The following MARCHF1 variants were observed in gnomAD, a reference collection of about 807,000 sequenced individuals.
MARCHF1 encodes the protein membrane associated ring-CH-type finger 1, also known as E3 ubiquitin-protein ligase MARCHF1.
A neutral mutation model predicts 54.2 loss-of-function variants in MARCHF1; 40 were observed. The ratio of observed to expected loss-of-function variants is 0.74; its 90% CI spans 0.57 to 0.96. MARCHF1 has a LOEUF of 0.96. Among genes scored for constraint, MARCHF1 ranks in the 40% least tolerant of loss-of-function variants. The pLI, the probability that MARCHF1 is intolerant of heterozygous loss-of-function variation, is 0.00. For missense variants in MARCHF1, 586 were observed against 656.5 expected (o/e 0.89, Z 1.17); for synonymous variants, 236 against 236.3 (o/e 1.00, Z 0.01).
chr4:163,849,408 G>A (rs996479392), intron 4 of MARCHF1, among the ~76,000 whole-genome samples: 2 of 152,102 alleles, frequency 1.3e-5, no homozygotes, highest in Non-Finnish European at 2.9e-5. Flanking sequence ...GTACTGGAAA[G>A]CCTCAACTGA....
intron 4 of MARCHF1, among the ~76,000 whole-genome samples, chr4:163,837,810 A>G (rs1749232148): frequency 6.6e-6 from 1 of 152,146 alleles, no homozygotes; most frequent in East Asian, 1.9e-4. Flanking sequence ...AATTTTAGCT[A>G]ATTGACTTCT....
chr4:163,673,057 T>C (rs1743790922), intron 5 of MARCHF1, among the ~76,000 whole-genome samples: 2 of 152,168 alleles, frequency 1.3e-5, no homozygotes, highest in Non-Finnish European at 1.5e-5. Flanking sequence ...TCTTTTGCTG[T>C]GGAAGGCAAC....
rs527575860 is a variant in MARCHF1 at position 163,800,764 on chromosome 4, A to T, written c.111+53257T>A. Among the ~76,000 whole-genome samples, 18 of 152,248 alleles carry T rather than the reference A, an allele frequency of 1.2e-4. No homozygotes were observed. In the East Asian group the frequency reaches 3.3e-3, roughly 28 times the overall value. On this transcript the variant is annotated intron_variant, in intron 4 of 9. Transcript: ENST00000514618. Reference sequence around the variant, plus strand: ...AGAAAGTCTTCAGACTGTACAGAACATCAAGAATCATTACAAGAGGAAAAT... The same window carrying T: ...AGAAAGTCTTCAGACTGTACAGAACTTCAAGAATCATTACAAGAGGAAAAT...
intron 1 of MARCHF1, among the ~76,000 whole-genome samples, chr4:164,305,798 G>A (rs1346873650): frequency 6.6e-6 from 1 of 152,056 alleles, no homozygotes; most frequent in African/African-American, 2.4e-5. Context: ...AAATGTTCCA[G>A]ACGAAGAATA....
In MARCHF1 at chr4:164,121,280, A is replaced by T. The variant is rs145083344; in HGVS notation, c.-322-9618T>A. 1.1e-4 allele frequency among the ~76,000 whole-genome samples: 16 copies of T among 152,218 alleles called. 1 individual carries two copies. The highest frequency in any genetic ancestry group is 2.9e-4 in the African/African-American group (12 of 41,568). ...AAGATTGAACCAGGAAAAAATCCAA[A>T]ACCTGAACAGACCTGTATTCTCCAT... On this transcript the variant is annotated intron_variant, in intron 1 of 9. Transcript: ENST00000514618.
intron 1 of MARCHF1, among the ~76,000 whole-genome samples, chr4:164,247,662 A>G (rs983879871): frequency 2.6e-5 from 4 of 151,376 alleles, no homozygotes; most frequent in Non-Finnish European, 5.9e-5. Context: ...AAAAAATGTA[A>G]TCCCAGGCAA....
chr4:163,568,066 T>C (rs1427662484), intron 8 of MARCHF1, among the ~76,000 whole-genome samples: 1 of 152,184 alleles, frequency 6.6e-6, no homozygotes, highest in Non-Finnish European at 1.5e-5. Flanking sequence ...AGTTTATCTA[T>C]TGATCTCATT....
At chr4:164,049,209 G>A (rs1754303721) in intron 2 of MARCHF1, among the ~76,000 whole-genome samples, 1 of 152,136 alleles carries the variant, frequency 6.6e-6, no homozygotes, top group African/African-American at 2.4e-5. Flanking sequence ...GGTGGCAGGT[G>A]AGAGAGAGAC....
rs1162225891 is a variant in MARCHF1, at chr4:164,213,205, TA to T, written c.-322-101544del. 3.8e-4 allele frequency among the ~76,000 whole-genome samples: 6 copies of T among 15,650 alleles called. No homozygotes were observed. The Admixed American group carries it at 4.2e-3, about 11-fold the overall frequency. 10.3% of individuals were successfully genotyped at this position (15,650 alleles called of 152,430 possible). A position where few individuals can be genotyped will look rare whatever the true frequency, so the allele number is the denominator to read the frequency against. ...TTACTTTTCTCTGGGCTTTTACTTT[TA>T]TTATTATTATTATTATTATTATTAT... On this transcript the variant is annotated intron_variant, in intron 1 of 9. Transcript: ENST00000514618.
chr4:163,863,534 G>A (rs1749986420), intron 3 of MARCHF1, among the ~76,000 whole-genome samples: 1 of 152,084 alleles, frequency 6.6e-6, no homozygotes, highest in Non-Finnish European at 1.5e-5. Context: ...TAATGGGTCA[G>A]AGTTGGAGAC....
chr4:164,168,165 G>A (rs903134912), intron 1 of MARCHF1, among the ~76,000 whole-genome samples: 4 of 151,868 alleles, frequency 2.6e-5, no homozygotes, highest in African/African-American at 9.7e-5. Flanking sequence ...ATATGAAAAT[G>A]AAAATGTACT....
In MARCHF1 at chr4:163,936,134, G is replaced by A. The variant is rs116635361; in HGVS notation, c.-39+52367C>T. Among the ~76,000 whole-genome samples, 167 of 152,194 alleles carry A rather than the reference G, an allele frequency of 1.1e-3. 1 individual carries two copies. The highest frequency in any genetic ancestry group is 3.4e-3 in the African/African-American group (143 of 41,538). ...GGCCTGACGATGGAGCAGTCAGAAC[G>A]CACACAACAGTCTTATGTAGGCATG... On this transcript the variant is annotated intron_variant, in intron 3 of 9. Coordinates refer to ENST00000514618, the MANE Select transcript of MARCHF1 (RefSeq NM_001394959.1).
chr4:163,850,782 A>G (rs1391207680), intron 4 of MARCHF1, among the ~76,000 whole-genome samples: 1 of 152,226 alleles, frequency 6.6e-6, no homozygotes, highest in Non-Finnish European at 1.5e-5. Flanking sequence ...AGAGATTGGA[A>G]AACAAAACTT....
At chr4:163,942,847 A>C (rs1284979260) in intron 3 of MARCHF1, among the ~76,000 whole-genome samples, 26 of 151,760 alleles carry the variant, frequency 1.7e-4, no homozygotes, top group Non-Finnish European at 5.9e-5. Flanking sequence ...CCTTTCTCTT[A>C]CTCATTAGTT....
intron 3 of MARCHF1, among the ~76,000 whole-genome samples, chr4:163,931,109 C>A (rs1286020730): frequency 6.6e-6 from 1 of 152,084 alleles, no homozygotes; most frequent in African/African-American, 2.4e-5. Flanking sequence ...TACTTGAGGA[C>A]ACAGCAAGAA....
chr4:164,253,294 A>G (rs1489854496), intron 1 of MARCHF1, among the ~76,000 whole-genome samples: 1 of 152,192 alleles, frequency 6.6e-6, no homozygotes, highest in African/African-American at 2.4e-5. Context: ...GATGAGCTCA[A>G]TAAAGGCATT....
intron 1 of MARCHF1, among the ~76,000 whole-genome samples, chr4:164,324,400 T>C (rs1392239999): frequency 5.9e-5 from 9 of 151,800 alleles, no homozygotes; most frequent in Admixed American, 5.9e-4. Context: ...TGAACATTGA[T>C]GTGAAGATTC....
intron 4 of MARCHF1, among the ~76,000 whole-genome samples, chr4:163,845,350 G>A (rs1749453164): frequency 6.6e-6 from 1 of 151,854 alleles, no homozygotes; most frequent in African/African-American, 2.4e-5. Context: ...AATCTGTCCT[G>A]CCTGCTCCAT....
At chr4:163,685,687 C>G (rs1744247076) in intron 5 of MARCHF1, among the ~76,000 whole-genome samples, 1 of 152,148 alleles carries the variant, frequency 6.6e-6, no homozygotes. Context: ...CTTCTAACCT[C>G]AGATGATCCA....
Sources: allele counts gnomAD v4.1 joint callset (sites outside exome capture counted in the v4.1 genomes callset), GRCh38; gene constraint gnomAD v4.1.1; transcripts MANE v1.5; gene names NCBI Gene and HGNC (gene_info 2026-07-23, HGNC 2026-07-21).